PTGES3L: variants seen among roughly 807,000 people sequenced by gnomAD.
PTGES3L encodes putative protein PTGES3L.
A neutral mutation model predicts 25.0 loss-of-function variants in PTGES3L; 17 were observed. That is an observed-to-expected ratio of 0.68 (90% CI 0.47 to 1.02). PTGES3L has a LOEUF of 1.02. Among genes scored for constraint, PTGES3L ranks in the 50% least tolerant of loss-of-function variants. PTGES3L has a pLI of 0.00. For missense variants in PTGES3L, 202 were observed against 197.5 expected (o/e 1.02, Z -0.14); for synonymous variants, 59 against 65.7 (o/e 0.90, Z 0.50).
In PTGES3L at chr17:42,970,672, A is replaced by ACGCGCG. The variant is rs768089035; in HGVS notation, c.379-331_379-330insCGCGCG. Among the ~76,000 whole-genome samples, 23 of 115,504 alleles carry ACGCGCG rather than the reference A, an allele frequency of 2.0e-4. No individual in the cohort carries two copies. The South Asian group carries it at 2.3e-3, about 11-fold the overall frequency. 75.8% of individuals were successfully genotyped at this position (115,504 alleles called of 152,430 possible). ...ATCCCATGAAGTTGTCTGGCTTAACACGCGCACACACACACACACACACAC... is the reference window on the plus strand; with the variant it reads ...ATCCCATGAAGTTGTCTGGCTTAACACGCGCGCGCGCACACACACACACACACACAC... On this transcript the variant is annotated intron_variant, in intron 5 of 6. Transcript: ENST00000591916.
intron 4 of PTGES3L, among the ~76,000 whole-genome samples, chr17:42,972,457 C>T (rs1197206586): frequency 2.6e-5 from 4 of 151,588 alleles, no homozygotes; most frequent in Admixed American, 6.6e-5. Flanking sequence ...CTCAGCCTGC[C>T]GAGTGCCTGC....
chr17:42,968,864 A>T lies in PTGES3L; in HGVS notation c.*284T>A. Reference sequence around the variant, plus strand: ...GCCACATACACACACATACTCAAATAATCAAGTGGCCTAAACACAGAGATT... The same window carrying T: ...GCCACATACACACACATACTCAAATTATCAAGTGGCCTAAACACAGAGATT... On this transcript the variant is annotated 3_prime_UTR_variant, in exon 7 of 7. Transcript: ENST00000591916. 2.6e-6 allele frequency: 1 copy of T among 391,700 alleles called. No homozygotes were observed. Among genetic ancestry groups the T allele is most frequent in the Non-Finnish European group, 4.6e-6 (1 of 217,840 alleles). The allele number at this position is 391,700 out of a possible 1,614,324, so 24.3% of individuals were successfully genotyped here.
At chr17:42,969,797 G>A (rs1282990111) in intron 6 of PTGES3L, among the ~76,000 whole-genome samples, 2 of 152,050 alleles carry the variant, frequency 1.3e-5, no homozygotes, top group Non-Finnish European at 2.9e-5. Flanking sequence ...AAGCAGGAGG[G>A]TCTTGCTAGG....
rs28731117 is a variant in PTGES3L at position 42,978,332 on chromosome 17, G to A, written c.288+838C>T. Among the ~76,000 whole-genome samples the A allele has an allele frequency of 1.9e-3, 283 of 151,518 alleles. 1 individual carries two copies. Among genetic ancestry groups the A allele is most frequent in the African/African-American group, 6.4e-3 (265 of 41,270 alleles). On this transcript the variant is annotated intron_variant, in intron 4 of 6. Transcript: ENST00000591916. ...TGAGGAAGGAGAATCGCTTGAACCC[G>A]GGAAGTGGATGTTGCAGTGGGCCAA... is the stretch of plus-strand genomic sequence containing the variant.
At chr17:42,975,827 C>T (rs1013185373) in intron 4 of PTGES3L, among the ~76,000 whole-genome samples, 12 of 151,550 alleles carry the variant, frequency 7.9e-5, no homozygotes, top group African/African-American at 2.9e-4. Context: ...CAGGCACGTG[C>T]TACCGCGCTC....
intron 1 of PTGES3L, 67 bp from the exon 2 acceptor site, chr17:42,979,730 G>A: frequency 6.4e-7 from 1 of 1,560,100 alleles, no homozygotes; most frequent in Non-Finnish European, 8.7e-7. Flanking sequence ...TTTGGGAAGG[G>A]ACTACCCAGG....
chr17:42,970,680 A>G (rs10583797), intron 5 of PTGES3L, among the ~76,000 whole-genome samples: 7,527 of 28,990 alleles, frequency 0.26, 301 homozygotes, highest in Middle Eastern at 0.34. Flanking sequence ...ACACGCGCAC[A>G]CACACACACA....
At position 42,971,691 on chromosome 17, in the gene PTGES3L, C is replaced by T. The variant is rs1157332184; in HGVS notation, c.294G>A (p.Val98=). 6.2e-7 allele frequency: 1 copy of T among 1,614,060 alleles called. No homozygotes were observed. The highest frequency in any genetic ancestry group is 8.5e-7 in the Non-Finnish European group (1 of 1,179,976). The change falls in exon 5 of 7, where the codon GTG becomes GTA. Residue 98 remains valine (V), a synonymous_variant. Coordinates refer to ENST00000591916, the MANE Select transcript of PTGES3L (RefSeq NM_001261430.2). ...PRLTKEDIKP[V]WLSVDFDNWR... ...AGTTATCAAAGTCCACAGACAGCCA[C>T]ACTGGCTGCAAGAAGAGGCACCAAG...
chr17:42,974,455 G>T (rs1444418387), intron 4 of PTGES3L, among the ~76,000 whole-genome samples: 2 of 151,466 alleles, frequency 1.3e-5, no homozygotes, highest in African/African-American at 2.4e-5. Flanking sequence ...ATACAGGGAA[G>T]AAGTTATTCA....
At chr17:42,974,900 C>G (rs1178062421) in intron 4 of PTGES3L, among the ~76,000 whole-genome samples, 1 of 151,766 alleles carries the variant, frequency 6.6e-6, no homozygotes, top group African/African-American at 2.4e-5. Context: ...TTTGGGAGGC[C>G]AAGGCACATC....
chr17:42,970,396 C>A, intron 5 of PTGES3L, 54 bp from the exon 6 acceptor site: 2 of 1,603,200 alleles, frequency 1.2e-6, no homozygotes, highest in East Asian at 2.2e-5. Flanking sequence ...GAAGAACAAT[C>A]TGCACATTGA....
intron 4 of PTGES3L, among the ~76,000 whole-genome samples, chr17:42,973,256 C>T (rs1322965452): frequency 1.3e-5 from 2 of 149,678 alleles, no homozygotes; most frequent in African/African-American, 4.9e-5. Context: ...GGGTCAGCCC[C>T]CCGCCCGGCC....
chr17:42,973,282 G>A (rs537493140), intron 4 of PTGES3L, among the ~76,000 whole-genome samples: 18 of 136,480 alleles, frequency 1.3e-4, no homozygotes, highest in African/African-American at 4.8e-4. Flanking sequence ...CCCCGTCCGG[G>A]AGGTGAGGGG....
chr17:42,976,301 T>C (rs1360444021), intron 4 of PTGES3L, among the ~76,000 whole-genome samples: 1 of 152,086 alleles, frequency 6.6e-6, no homozygotes, highest in Non-Finnish European at 1.5e-5. Flanking sequence ...CAGAAGCTTA[T>C]AGTCTGGATT....
At chr17:42,978,047 A>G (rs1377710502) in intron 4 of PTGES3L, among the ~76,000 whole-genome samples, 1 of 122,280 alleles carries the variant, frequency 8.2e-6, no homozygotes, top group East Asian at 2.9e-4. Flanking sequence ...ATTGCACTCC[A>G]GCCTGGGCAA....
At chr17:42,978,729 G>T (rs531910416) in intron 4 of PTGES3L, among the ~76,000 whole-genome samples, 1 of 151,792 alleles carries the variant, frequency 6.6e-6, no homozygotes, top group Non-Finnish European at 1.5e-5. Flanking sequence ...AGCCAGGCGC[G>T]GTGGCTCACG....
In PTGES3L at chr17:42,969,038, T is replaced by G. The variant is rs2049781406; in HGVS notation, c.*110A>C. ...GAGCTTCTAGGAAAGTTCAGAGATC[T>G]CAGAAGAACTTGGTGCACAGCCAAA... On this transcript the variant is annotated 3_prime_UTR_variant, in exon 7 of 7. Transcript: ENST00000591916. The G allele has an allele frequency of 1.9e-5, 15 of 776,390 alleles. No homozygotes were observed. The South Asian group carries it at 2.5e-4, about 13-fold the overall frequency. 48.1% of individuals were successfully genotyped at this position (776,390 alleles called of 1,614,324 possible). A position where few individuals can be genotyped will look rare whatever the true frequency, so the allele number is the denominator to read the frequency against.
Position 42,970,674 on chromosome 17 carries a change from G to GCACACACACACACACA in PTGES3L, c.379-333_379-332insTGTGTGTGTGTGTGTG, listed in dbSNP as rs1482998381. Among the ~76,000 whole-genome samples the GCACACACACACACACA allele has an allele frequency of 3.8e-3, 398 of 105,676 alleles. 8 individuals carry two copies. Among genetic ancestry groups the GCACACACACACACACA allele is most frequent in the African/African-American group, 0.012 (379 of 30,618 alleles). 69.3% of individuals were successfully genotyped at this position (105,676 alleles called of 152,430 possible). On this transcript the variant is annotated intron_variant, in intron 5 of 6. Coordinates refer to ENST00000591916, the MANE Select transcript of PTGES3L (RefSeq NM_001261430.2). Reference sequence around the variant, plus strand: ...CCCATGAAGTTGTCTGGCTTAACACGCGCACACACACACACACACACACAC... The same window carrying GCACACACACACACACA: ...CCCATGAAGTTGTCTGGCTTAACACGCACACACACACACACACGCACACACACACACACACACACAC...
chr17:42,973,288 A>G (rs2049890121), intron 4 of PTGES3L, among the ~76,000 whole-genome samples: 1 of 121,746 alleles, frequency 8.2e-6, no homozygotes, highest in Non-Finnish European at 1.8e-5. Context: ...CCGGGAGGTG[A>G]GGGGCGCCTC....
Sources: allele counts gnomAD v4.1 joint callset (sites outside exome capture counted in the v4.1 genomes callset), GRCh38; gene constraint gnomAD v4.1.1; transcripts MANE v1.5; gene names NCBI Gene and HGNC (gene_info 2026-07-23, HGNC 2026-07-21).